Variants in SEC23A observed in about 807,000 individuals in gnomAD.
The protein encoded by SEC23A is protein transport protein Sec23A.
A neutral mutation model predicts 103.7 loss-of-function variants in SEC23A; 56 were observed. The ratio of observed to expected loss-of-function variants is 0.54; its 90% CI spans 0.44 to 0.67. The LOEUF (loss-of-function observed/expected upper bound fraction) is 0.67. Among genes scored for constraint, SEC23A ranks in the 30% least tolerant of loss-of-function variants. The probability of loss-of-function intolerance (pLI) is 0.00; values close to 1 mark genes in which losing one functional copy is unlikely to be tolerated. For missense variants in SEC23A, 784 were observed against 936.4 expected (o/e 0.84, Z 2.12); for synonymous variants, 281 against 293.0 (o/e 0.96, Z 0.42).
intron 8 of SEC23A, among the ~76,000 whole-genome samples, chr14:39,074,799 C>G (rs940121069): frequency 6.6e-6 from 1 of 152,174 alleles, no homozygotes; most frequent in Non-Finnish European, 1.5e-5. Flanking sequence ...CTTGTTCTTC[C>G]TATATAAACA....
At chr14:39,100,930 A>G (rs531102346) in intron 1 of SEC23A, among the ~76,000 whole-genome samples, 352 of 146,760 alleles carry the variant, frequency 2.4e-3, no homozygotes, top group Non-Finnish European at 4.2e-3. Context: ...TGCAACCTCC[A>G]CCTCCCGGGT....
intron 11 of SEC23A, among the ~76,000 whole-genome samples, chr14:39,063,662 A>G (rs924646683): frequency 2.0e-5 from 3 of 152,222 alleles, no homozygotes; most frequent in Non-Finnish European, 2.9e-5. Flanking sequence ...GTAAATTACA[A>G]AAGTATTAAT....
chr14:39,048,523 C>T (rs930633679), intron 15 of SEC23A, 129 bp downstream of exon 15: 2 of 659,080 alleles, frequency 3.0e-6, no homozygotes, highest in African/African-American at 1.8e-5. Flanking sequence ...CTGACTAAGC[C>T]CCGGAGTTCC....
At position 39,076,093 on chromosome 14, in the gene SEC23A, A is replaced by G. The variant is rs770420745; in HGVS notation, c.829T>C (p.Cys277Arg). 2 of 1,606,444 alleles carry G rather than the reference A, an allele frequency of 1.2e-6. No individual in the cohort carries two copies. The highest frequency in any genetic ancestry group is 1.7e-6 in the Non-Finnish European group (2 of 1,175,260). ...CGAGCACCAGTGTTGGGAAAAGTAC[A>G]CTATTAAAAAAAAAGTCAAGAGTTT... ...ALSIAVGLLE[C>R]TFPNTGARIM... The change falls in exon 8 of 20, where the codon TGT becomes CGT. Residue 277 changes from cysteine to arginine, a missense_variant and splice_region_variant. By Grantham distance (180) the Cys-to-Arg change is radical. Coordinates refer to ENST00000307712, the MANE Select transcript of SEC23A (RefSeq NM_006364.4).
At chr14:39,101,606 G>A (rs1287259563) in intron 1 of SEC23A, among the ~76,000 whole-genome samples, 2 of 148,888 alleles carry the variant, frequency 1.3e-5, no homozygotes, top group Non-Finnish European at 3.0e-5. Context: ...CTGGGTGACA[G>A]AGCGAGACTC....
Position 39,085,811 on chromosome 14 carries a change from G to A in SEC23A, c.779C>T (p.Pro260Leu). ...AAGTGCCACCCCAGAGGAACGCAAA[G>A]GTCTCTTTCCCTGTGGTACAGGCCA... The part of the protein sequence containing the change: ...DPWPVPQGKR[P>L]LRSSGVALSI... Residue 260 changes from proline to leucine, a missense_variant, in exon 7 of 20, where the codon CCT becomes CTT. By Grantham distance (98) the Pro-to-Leu change is moderately conservative. Coordinates refer to ENST00000307712, the MANE Select transcript of SEC23A (RefSeq NM_006364.4). The A allele has an allele frequency of 6.2e-7, 1 of 1,613,636 alleles. No individual in the cohort carries two copies. The highest frequency in any genetic ancestry group is 1.1e-5 in the South Asian group (1 of 91,066).
intron 14 of SEC23A, among the ~76,000 whole-genome samples, chr14:39,051,675 C>T (rs571853900): frequency 6.6e-6 from 1 of 152,094 alleles, no homozygotes; most frequent in African/African-American, 2.4e-5. Context: ...TAAGAAGGAA[C>T]AAGACTAGCC....
intron 6 of SEC23A, 34 bp downstream of exon 6, chr14:39,086,895 G>A: frequency 7.7e-7 from 1 of 1,295,858 alleles, no homozygotes; most frequent in Non-Finnish European, 1.1e-6. Context: ...AATAGCTACA[G>A]AAACGGTCAA....
intron 1 of SEC23A, among the ~76,000 whole-genome samples, chr14:39,097,747 G>A (rs1235999556): frequency 2.0e-5 from 3 of 152,142 alleles, no homozygotes; most frequent in Non-Finnish European, 4.4e-5. Flanking sequence ...TTTCAAAGGT[G>A]CATAAAGGGT....
chr14:39,047,532 C>A, intron 15 of SEC23A: 1 of 461,988 alleles, frequency 2.2e-6, no homozygotes, highest in Non-Finnish European at 3.3e-6. Flanking sequence ...CAGAGCAGCT[C>A]TGAAAAAGAA....
At chr14:39,085,511 T>C (rs917587018) in intron 7 of SEC23A, among the ~76,000 whole-genome samples, 2 of 152,098 alleles carry the variant, frequency 1.3e-5, no homozygotes, top group South Asian at 2.1e-4. Context: ...TGTGATGTTA[T>C]CTCCAGTTAG....
At chr14:39,064,845 C>T (rs956438469) in intron 11 of SEC23A, 68 bp downstream of exon 11, 9 of 1,134,330 alleles carry the variant, frequency 7.9e-6, no homozygotes, top group Non-Finnish European at 1.2e-5. Flanking sequence ...TTCCCAAGTA[C>T]CTGGGATTAC....
chr14:39,095,336 C>G (rs775487270), intron 2 of SEC23A, among the ~76,000 whole-genome samples: 1 of 151,376 alleles, frequency 6.6e-6, no homozygotes, highest in Non-Finnish European at 1.5e-5. Context: ...CGCTCTGTCA[C>G]CCAGAGTTGG....
In SEC23A at chr14:39,064,907, A is replaced by G; in HGVS notation, c.1308+6T>C. ...GTATTTTCTTTTTAGAATAAACACA[A>G]CTTACATTTTCAGACACACAGGGTC... On this transcript the variant is annotated splice_donor_region_variant and intron_variant, in intron 11 of 19. Coordinates refer to ENST00000307712, the MANE Select transcript of SEC23A (RefSeq NM_006364.4). The G allele has an allele frequency of 6.3e-7, 1 of 1,597,178 alleles. No individual in the cohort carries two copies. The highest frequency in any genetic ancestry group is 1.1e-5 in the South Asian group (1 of 90,676).
At chr14:39,094,422 ATATATATATATATATATATATTTTTTT>A (rs1594486687) in intron 2 of SEC23A, among the ~76,000 whole-genome samples, 7 of 63,498 alleles carry the variant, frequency 1.1e-4, no homozygotes, top group African/African-American at 5.5e-4. Context: ...ATATATATAT[ATATATATATATATATATATATTTTTTT>A]TTTTTTTTTT....
chr14:39,082,882 T>C (rs191916273), intron 7 of SEC23A, among the ~76,000 whole-genome samples: 97 of 152,210 alleles, frequency 6.4e-4, no homozygotes, highest in African/African-American at 2.2e-3. Flanking sequence ...CTTCCAAAGA[T>C]CAGGAAAGAT....
At position 39,074,404 on chromosome 14, in the gene SEC23A, T is replaced by C. The variant is rs778475078; in HGVS notation, c.1103+11A>G. On this transcript the variant is annotated intron_variant, in intron 9 of 19. Transcript: ENST00000307712. ...TATAATTACAAAAACTGTAAAAATT[T>C]AAATACATACCCAGTAAGGTTGGGA... 7.9e-6 allele frequency: 12 copies of C among 1,528,508 alleles called. No homozygotes were observed. The South Asian group carries it at 1.2e-4, about 16-fold the overall frequency. 94.7% of individuals were successfully genotyped at this position (1,528,508 alleles called of 1,614,324 possible).
At chr14:39,066,602 T>C (rs1046633360) in intron 10 of SEC23A, among the ~76,000 whole-genome samples, 1 of 152,134 alleles carries the variant, frequency 6.6e-6, no homozygotes, top group Admixed American at 6.5e-5. Context: ...TGGTGGCTCA[T>C]GTCTGTAATC....
rs139239054 is a variant in SEC23A, at chr14:39,096,020, T to C, written c.99A>G (p.Arg33=). The change falls in exon 2 of 20, where the codon AGA becomes AGG. Residue 33 remains arginine (R), a synonymous_variant. Coordinates refer to ENST00000307712, the MANE Select transcript of SEC23A (RefSeq NM_006364.4). The stretch of plus-strand genomic sequence containing the variant: ...ACAGGGCTGCCACAGGAACAACCAT[T>C]CTTGTAGCTTCCAGTCGACTTGATG... ...VWPSSRLEAT[R]MVVPVAALFT... 8.1e-6 allele frequency: 13 copies of C among 1,614,108 alleles called. No individual in the cohort carries two copies. The highest frequency in any genetic ancestry group is 1.0e-5 in the Non-Finnish European group (12 of 1,179,974).
Sources: allele counts gnomAD v4.1 joint callset (sites outside exome capture counted in the v4.1 genomes callset), GRCh38; gene constraint gnomAD v4.1.1; transcripts MANE v1.5; gene names NCBI Gene and HGNC (gene_info 2026-07-23, HGNC 2026-07-21).